RSRC1: variants seen among roughly 807,000 people sequenced by gnomAD.
RSRC1 encodes the protein serine/Arginine-related protein 53.
A neutral mutation model predicts 49.1 loss-of-function variants in RSRC1; 39 were observed. The ratio of observed to expected loss-of-function variants is 0.79; its 90% confidence interval spans 0.61 to 1.04. RSRC1 has a LOEUF of 1.04. Ranked by LOEUF, RSRC1 falls within the 50% of genes least tolerant of loss-of-function variation. RSRC1 has a pLI of 0.00. For missense variants in RSRC1, 388 were observed against 402.4 expected, an observed-to-expected ratio of 0.96 and a Z score of 0.31; for synonymous variants, 143 against 130.8, an observed-to-expected ratio of 1.09 and a Z score of -0.63.
chr3:158,228,182 A>G (rs1236073168), intron 4 of RSRC1, among the ~76,000 whole-genome samples: 1 of 152,058 alleles, frequency 6.6e-6, no homozygotes, highest in Admixed American at 6.6e-5. Context: ...ATATCTGAAC[A>G]TAATAAAATC....
At chr3:158,140,274 C>T (rs942554791) in intron 3 of RSRC1, among the ~76,000 whole-genome samples, 1 of 152,202 alleles carries the variant, frequency 6.6e-6, no homozygotes, top group Non-Finnish European at 1.5e-5. Context: ...TTTTATAGTT[C>T]ACTTTCATAC....
chr3:158,401,715 AT>A (rs1208193766), intron 6 of RSRC1, among the ~76,000 whole-genome samples: 1 of 152,162 alleles, frequency 6.6e-6, no homozygotes, highest in East Asian at 1.9e-4. Context: ...TAAGATGTTT[AT>A]GTTTTAAAAT....
chr3:158,120,158 TGTC>T (rs1715151475), intron 1 of RSRC1, among the ~76,000 whole-genome samples: 1 of 152,124 alleles, frequency 6.6e-6, no homozygotes, highest in South Asian at 2.1e-4. Context: ...AGCTGGAAAG[TGTC>T]GTGGTAATCT....
intron 5 of RSRC1, among the ~76,000 whole-genome samples, chr3:158,345,664 A>G (rs1418491604): frequency 1.3e-5 from 2 of 151,948 alleles, no homozygotes; most frequent in East Asian, 1.9e-4. Context: ...TCAAGAACTA[A>G]TACCAAGCAA....
At chr3:158,478,742 G>C (rs775400517) in intron 7 of RSRC1, among the ~76,000 whole-genome samples, 12 of 151,952 alleles carry the variant, frequency 7.9e-5, no homozygotes, top group Non-Finnish European at 1.5e-4. Context: ...GGAAAACCTA[G>C]TTAGTAGAAA....
intron 6 of RSRC1, among the ~76,000 whole-genome samples, chr3:158,431,912 G>T (rs1259749766): frequency 6.6e-6 from 1 of 151,904 alleles, no homozygotes; most frequent in Non-Finnish European, 1.5e-5. Context: ...TTTGACCATA[G>T]AATTAATTTT....
rs553395761 is a variant in RSRC1 at position 158,260,745 on chromosome 3, G to A, written c.495-37294G>A. Among the ~76,000 whole-genome samples the A allele has an allele frequency of 1.5e-3, 225 of 152,292 alleles. 1 individual carries two copies. Among genetic ancestry groups the A allele is most frequent in the African/African-American group, 5.2e-3 (218 of 41,574 alleles). ...TGCCAGCACTCTAATTCCAACGACT[G>A]GGATGGACAGTTCACCTCTCACTAT... On this transcript the variant is annotated intron_variant, in intron 4 of 9. Coordinates refer to ENST00000611884, the MANE Select transcript of RSRC1 (RefSeq NM_001271838.2).
At chr3:158,233,159 C>T (rs1427095774) in intron 4 of RSRC1, among the ~76,000 whole-genome samples, 1 of 152,148 alleles carries the variant, frequency 6.6e-6, no homozygotes, top group African/African-American at 2.4e-5. Context: ...TCCTTTCCAA[C>T]ATTTTCCTAT....
chr3:158,198,901 A>G (rs1720842200), intron 3 of RSRC1, among the ~76,000 whole-genome samples: 1 of 152,200 alleles, frequency 6.6e-6, no homozygotes, highest in Admixed American at 6.6e-5. Context: ...TTAGAGATGG[A>G]CAAGGACAAA....
chr3:158,307,846 C>T (rs1727920950), intron 5 of RSRC1, among the ~76,000 whole-genome samples: 1 of 151,794 alleles, frequency 6.6e-6, no homozygotes, highest in Non-Finnish European at 1.5e-5. Context: ...ACATACTCAC[C>T]TACCAGATTT....
chr3:158,233,630 T>C (rs184181821), intron 4 of RSRC1, among the ~76,000 whole-genome samples: 2 of 152,308 alleles, frequency 1.3e-5, no homozygotes, highest in Admixed American at 6.5e-5. Flanking sequence ...CTATGTGTTT[T>C]AGAGAAATCA....
At chr3:158,380,805 CAT>C (rs1366326865) in intron 6 of RSRC1, among the ~76,000 whole-genome samples, 1 of 152,040 alleles carries the variant, frequency 6.6e-6, no homozygotes. Context: ...TGAATTATTA[CAT>C]GTGTATTTTG....
intron 6 of RSRC1, among the ~76,000 whole-genome samples, chr3:158,365,981 A>G (rs780068271): frequency 2.0e-5 from 3 of 152,112 alleles, no homozygotes; most frequent in Non-Finnish European, 4.4e-5. Flanking sequence ...TCCTTTGCCT[A>G]CTTTTTAATG....
At chr3:158,495,519 C>T (rs1479249014) in intron 7 of RSRC1, among the ~76,000 whole-genome samples, 1 of 152,128 alleles carries the variant, frequency 6.6e-6, no homozygotes, top group East Asian at 1.9e-4. Context: ...CTCCTGACCT[C>T]AAGTGATCCA....
chr3:158,155,431 A>G (rs1023387888), intron 3 of RSRC1, among the ~76,000 whole-genome samples: 2 of 151,664 alleles, frequency 1.3e-5, no homozygotes. Flanking sequence ...AGTGAACTAT[A>G]TTTTATTTTA....
intron 6 of RSRC1, among the ~76,000 whole-genome samples, chr3:158,360,379 G>C (rs1054695799): frequency 6.6e-6 from 1 of 152,158 alleles, no homozygotes; most frequent in African/African-American, 2.4e-5. Context: ...CCCCACTCCG[G>C]TCCATAGGAC....
At chr3:158,182,609 A>T (rs1578172579) in intron 3 of RSRC1, among the ~76,000 whole-genome samples, 1 of 152,284 alleles carries the variant, frequency 6.6e-6, no homozygotes, top group East Asian at 1.9e-4. Flanking sequence ...CTGTAGGCCA[A>T]ATGTTACTGG....
chr3:158,157,825 G>A (rs1717973166), intron 3 of RSRC1, among the ~76,000 whole-genome samples: 1 of 152,062 alleles, frequency 6.6e-6, no homozygotes, highest in South Asian at 2.1e-4. Flanking sequence ...TGAGGCAGGA[G>A]AATAGCTTGA....
At chr3:158,149,960 G>T (rs1717424068) in intron 3 of RSRC1, among the ~76,000 whole-genome samples, 1 of 152,138 alleles carries the variant, frequency 6.6e-6, no homozygotes, top group Non-Finnish European at 1.5e-5. Context: ...ATGCACTGAA[G>T]ATAAAGAGGA....
Sources: allele counts gnomAD v4.1 joint callset (sites outside exome capture counted in the v4.1 genomes callset), GRCh38; gene constraint gnomAD v4.1.1; transcripts MANE v1.5; gene names NCBI Gene and HGNC (gene_info 2026-07-23, HGNC 2026-07-21).